Variants in CROCC observed in about 807,000 individuals in gnomAD.
CROCC encodes ciliary rootlet coiled-coil, rootletin.
A neutral mutation model predicts 245.2 loss-of-function variants in CROCC; 180 were observed. The ratio of observed to expected loss-of-function variants is 0.73; its 90% CI spans 0.65 to 0.83. The LOEUF (loss-of-function observed/expected upper bound fraction) is 0.83, where lower values mean the gene tolerates loss of function less well. Ranked by LOEUF, CROCC falls within the 40% of genes least tolerant of loss-of-function variation. CROCC has a pLI of 0.00. For synonymous variants in CROCC, 1,205 were observed against 1,241.6 expected (o/e 0.97, Z 0.62); for missense variants, 2,688 against 2,779.4 (o/e 0.97, Z 0.74).
chr1:16,954,359 T>TAGGGCAGGC lies in CROCC; in HGVS notation c.3321+3_3321+11dup, dbSNP rs768841878. ...CAGAGCCGGCAGGAGCAGGACCGGG[T>TAGGGCAGGC]AGGGCAGGCTGGGCAGCTGGGCCTC... On this transcript the variant is annotated splice_region_variant and intron_variant, in intron 22 of 36. Transcript: ENST00000375541. This position sits in a 1 kb window ranked among gnomAD's most constrained non-coding sequence, Gnocchi z 4.4. The TAGGGCAGGC allele has an allele frequency of 6.2e-7, 1 of 1,609,222 alleles. No homozygotes were observed. The highest frequency in any genetic ancestry group is 8.5e-7 in the Non-Finnish European group (1 of 1,178,372).
intron 13 of CROCC, among the ~76,000 whole-genome samples, chr1:16,942,937 C>T (rs2075963498): frequency 6.6e-6 from 1 of 152,224 alleles, no homozygotes; most frequent in African/African-American, 2.4e-5. Flanking sequence ...GAAACCCCAT[C>T]TCTACTAAAA....
chr1:16,965,342 T>G (rs1570709825), intron 27 of CROCC, among the ~76,000 whole-genome samples: 2 of 151,468 alleles, frequency 1.3e-5, no homozygotes, highest in Admixed American at 6.6e-5. Flanking sequence ...CTGGTCGGGG[T>G]GGGGGTGGCA....
chr1:16,938,175 C>A (rs1235308012), intron 10 of CROCC, among the ~76,000 whole-genome samples: 1 of 152,368 alleles, frequency 6.6e-6, no homozygotes, highest in African/African-American at 2.4e-5. Context: ...CTAGGTCCGG[C>A]TCTCCTGCAA....
intron 24 of CROCC, 31 bp downstream of exon 24, chr1:16,955,581 T>G (rs748831415): frequency 1.0e-5 from 15 of 1,465,662 alleles, no homozygotes; most frequent in Middle Eastern, 1.8e-4. Context: ...CAGTCCTGAG[T>G]CCTCATGGGA....
At chr1:16,958,263 AG>A (rs1436956468) in intron 25 of CROCC, among the ~76,000 whole-genome samples, 1 of 152,236 alleles carries the variant, frequency 6.6e-6, no homozygotes, top group Non-Finnish European at 1.5e-5. Flanking sequence ...GCCATCGTAG[AG>A]GGGAAAGATA....
At chr1:16,924,997 T>C (rs934954810) in intron 3 of CROCC, among the ~76,000 whole-genome samples, 1 of 152,276 alleles carries the variant, frequency 6.6e-6, no homozygotes, top group African/African-American at 2.4e-5. Flanking sequence ...GAAGCAGGCC[T>C]GTCTTCATGT....
At chr1:16,919,692 C>G (rs2075363746), upstream of CROCC, among the ~76,000 whole-genome samples, 3 of 152,286 alleles carry the variant, frequency 2.0e-5, no homozygotes, top group African/African-American at 7.2e-5. Flanking sequence ...ACAGTGGCCC[C>G]CATTGGCTAA....
chr1:16,939,201 CCT>C (rs2075864109), intron 12 of CROCC, 59 bp downstream of exon 12: 1 of 868,440 alleles, frequency 1.2e-6, no homozygotes, highest in Non-Finnish European at 1.5e-6. Flanking sequence ...GGGCTCGCGC[CCT>C]CCGGGTGGGG....
intron 3 of CROCC, among the ~76,000 whole-genome samples, chr1:16,925,065 C>G (rs1354778239): frequency 6.6e-6 from 1 of 152,246 alleles, no homozygotes; most frequent in African/African-American, 2.4e-5. Flanking sequence ...GGGTGTGGGG[C>G]GGGAGCTGGG....
intron 19 of CROCC, among the ~76,000 whole-genome samples, chr1:16,949,245 A>G (rs2076118272): frequency 1.3e-5 from 2 of 152,234 alleles, no homozygotes; most frequent in African/African-American, 2.4e-5. Flanking sequence ...ATCGGTCATC[A>G]GGCCTGTTAG....
At chr1:16,955,969 G>A in intron 24 of CROCC, 28 bp from the exon 25 acceptor site, 1 of 1,548,600 alleles carries the variant, frequency 6.5e-7, no homozygotes, top group South Asian at 1.2e-5. Flanking sequence ...CAGGACCCAG[G>A]GCAGCCCCTG....
Position 16,948,420 on chromosome 1 carries a change from C to A in CROCC, c.2604C>A (p.Ala868=). Residue 868 remains alanine (A), a synonymous_variant, in exon 18 of 37, where the codon GCC becomes GCA. Transcript: ENST00000375541. The part of the protein sequence containing the change: ...QRQVEALERA[A]REKEALAKEH... ...AAGTGGAGGCGCTGGAGCGAGCGGC[C>A]CGTGAGAAGGAGGCGCTAGCCAAGG... The A allele has an allele frequency of 6.4e-7, 1 of 1,572,576 alleles. No individual in the cohort carries two copies. Among genetic ancestry groups the A allele is most frequent in the East Asian group, 2.3e-5 (1 of 43,594 alleles).
At position 16,954,386 on chromosome 1, in the gene CROCC, G is replaced by T. The variant is rs1489034267; in HGVS notation, c.3321+29G>T. ...GGGCAGGCTGGGCAGCTGGGCCTCTGTCTCATAGAGAGGCACATCCCTGGC... is the reference window on the plus strand; with the variant it reads ...GGGCAGGCTGGGCAGCTGGGCCTCTTTCTCATAGAGAGGCACATCCCTGGC... On this transcript the variant is annotated intron_variant, in intron 22 of 36. Transcript: ENST00000375541. The surrounding 1 kb of genome is among the most constrained non-coding windows in gnomAD (Gnocchi z 4.4). 6.3e-7 allele frequency: 1 copy of T among 1,594,566 alleles called. No individual in the cohort carries two copies. Among genetic ancestry groups the T allele is most frequent in the East Asian group, 2.2e-5 (1 of 44,562 alleles).
chr1:16,958,199 T>C (rs1417057547), intron 25 of CROCC, among the ~76,000 whole-genome samples: 2 of 152,208 alleles, frequency 1.3e-5, no homozygotes, highest in Non-Finnish European at 2.9e-5. Flanking sequence ...TTAATATAAC[T>C]GAAGTGCTTA....
Position 16,938,919 on chromosome 1 carries a change from C to T in CROCC, c.1385C>T (p.Ser462Leu), listed in dbSNP as rs773400696. The change falls in exon 12 of 37, where the codon TCA (serine) becomes TTA (leucine). Residue 462 changes from serine (S) to leucine (L), a missense_variant. This residue lies in a region of CROCC where 972 missense variants were observed against 895.3 expected (regional missense o/e 1.09). Coordinates refer to ENST00000375541, the MANE Select transcript of CROCC (RefSeq NM_014675.5). The stretch of plus-strand genomic sequence containing the variant: ...CTCCCCCACCCTCAGGCCGTCTTGT[C>T]AGACTCTGAGAGCGGCGTCCAGCTG... ...TLRDLAQAVL[S>L]DSESGVQLSG... The T allele has an allele frequency of 6.2e-7, 1 of 1,603,948 alleles. No individual in the cohort carries two copies. Among genetic ancestry groups the T allele is most frequent in the Non-Finnish European group, 8.5e-7 (1 of 1,177,270 alleles).
In CROCC at chr1:16,922,810, A is replaced by T. The variant is rs2075439356; in HGVS notation, c.196+12A>T. 6.2e-7 allele frequency: 1 copy of T among 1,608,522 alleles called. No homozygotes were observed. ...GCCTGAGAGCCCAGGTGCCACCCCCATCCGCTCCCCTCCACAAACACCACC... is the reference window on the plus strand; with the variant it reads ...GCCTGAGAGCCCAGGTGCCACCCCCTTCCGCTCCCCTCCACAAACACCACC... On this transcript the variant is annotated intron_variant, in intron 2 of 36. Coordinates refer to ENST00000375541, the MANE Select transcript of CROCC (RefSeq NM_014675.5).
chr1:16,942,989 T>A (rs1159584973), intron 13 of CROCC, among the ~76,000 whole-genome samples: 1 of 152,270 alleles, frequency 6.6e-6, no homozygotes, highest in Admixed American at 6.5e-5. Flanking sequence ...ACTCCTGTAA[T>A]CCCAGCACTT....
intron 15 of CROCC, 149 bp from the exon 16 acceptor site, chr1:16,946,110 G>C: frequency 1.1e-6 from 1 of 911,534 alleles, no homozygotes; most frequent in East Asian, 2.6e-5. Context: ...TTTCTGCGGT[G>C]ATTTTTTTTT....
chr1:16,933,613 C>T (rs2075727214), intron 8 of CROCC, among the ~76,000 whole-genome samples: 1 of 152,168 alleles, frequency 6.6e-6, no homozygotes, highest in African/African-American at 2.4e-5. Flanking sequence ...GTTGCCCAGG[C>T]TGGAGTGAAG....
Sources: allele counts gnomAD v4.1 joint callset (sites outside exome capture counted in the v4.1 genomes callset), GRCh38; gene constraint gnomAD v4.1.1; regional missense constraint gnomAD v4.1.1; non-coding constraint Gnocchi (gnomAD v3.1); transcripts MANE v1.5; gene names NCBI Gene and HGNC (gene_info 2026-07-23, HGNC 2026-07-21).